Variants in SUMF1 observed in about 807,000 individuals in gnomAD.
SUMF1 encodes formylglycine-generating enzyme.
SUMF1 carries 48 observed loss-of-function variants against 47.6 expected under a neutral mutation model. That is an observed-to-expected ratio of 1.01 (90% CI 0.80 to 1.28). The LOEUF is 1.28. Ranked by LOEUF, SUMF1 falls within the 50% of genes most tolerant of loss-of-function variation. SUMF1 has a pLI of 0.00. For synonymous variants in SUMF1, 230 were observed against 192.1 expected (o/e 1.20, Z -1.63); for missense variants, 571 against 485.4 (o/e 1.18, Z -1.66).
At chr3:4,134,925 G>A (rs996557393) in intron 8 of SUMF1, among the ~76,000 whole-genome samples, 3 of 152,122 alleles carry the variant, frequency 2.0e-5, no homozygotes, top group Admixed American at 6.5e-5. Flanking sequence ...AAATCAGGAC[G>A]AAGTTGAATC....
At chr3:4,464,393 T>C (rs1443839124) in intron 1 of SUMF1, among the ~76,000 whole-genome samples, 3 of 149,738 alleles carry the variant, frequency 2.0e-5, no homozygotes, top group Admixed American at 6.6e-5. Context: ...ATGATACTTA[T>C]GTGTGTGTCT....
At chr3:4,356,189 G>A (rs1401618868), downstream of SUMF1, among the ~76,000 whole-genome samples, 1 of 152,162 alleles carries the variant, frequency 6.6e-6, no homozygotes, top group Non-Finnish European at 1.5e-5. Context: ...TTCACTAATA[G>A]CACAACTGAT....
chr3:4,216,036 A>G (rs1695916285), intron 8 of SUMF1, among the ~76,000 whole-genome samples: 1 of 152,200 alleles, frequency 6.6e-6, no homozygotes, highest in Non-Finnish European at 1.5e-5. Flanking sequence ...ATTGGAAAAA[A>G]CTACCTTAAA....
At chr3:4,466,887 C>A in intron 1 of SUMF1, 89 bp downstream of exon 1, 3 of 1,532,184 alleles carry the variant, frequency 2.0e-6, no homozygotes, top group Non-Finnish European at 2.6e-6. Flanking sequence ...ACCTTTACTT[C>A]CCTTCCTACT....
intron 7 of SUMF1, among the ~76,000 whole-genome samples, chr3:4,409,653 A>C (rs1701481706): frequency 2.0e-5 from 3 of 152,168 alleles, no homozygotes; most frequent in Non-Finnish European, 4.4e-5. Flanking sequence ...CCCAACCACA[A>C]ACCCACCTAG....
intron 6 of SUMF1, chr3:4,414,979 C>G (rs1321113741): frequency 6.6e-6 from 1 of 152,256 alleles, no homozygotes; most frequent in East Asian, 1.9e-4. Context: ...CGCAGTGGCT[C>G]ATGCCTGTAA....
intron 8 of SUMF1, among the ~76,000 whole-genome samples, chr3:4,117,588 C>A (rs1693451286): frequency 6.6e-6 from 1 of 151,946 alleles, no homozygotes; most frequent in Non-Finnish European, 1.5e-5. Flanking sequence ...ACCTTATTAG[C>A]CTCTCCTCTT....
chr3:4,328,733 C>T (rs531547613), intron 8 of SUMF1, among the ~76,000 whole-genome samples: 1 of 152,280 alleles, frequency 6.6e-6, no homozygotes, highest in Admixed American at 6.5e-5. Context: ...CATTTCAAAA[C>T]CAGTCATGCC....
chr3:4,182,892 A>C (rs1695126154), intron 8 of SUMF1, among the ~76,000 whole-genome samples: 1 of 152,034 alleles, frequency 6.6e-6, no homozygotes, highest in Non-Finnish European at 1.5e-5. Flanking sequence ...AAAGAGGGTA[A>C]GTTGGACACT....
At chr3:4,284,249 T>C (rs2125048593) in intron 8 of SUMF1, among the ~76,000 whole-genome samples, 1 of 150,574 alleles carries the variant, frequency 6.6e-6, no homozygotes, top group African/African-American at 2.4e-5. Flanking sequence ...ATCCCATTTC[T>C]ACAAAAAAAA....
chr3:4,150,562 AT>A (rs1361676700), intron 8 of SUMF1, among the ~76,000 whole-genome samples: 2 of 142,094 alleles, frequency 1.4e-5, no homozygotes, highest in East Asian at 2.1e-4. Flanking sequence ...AAAAAAAAAA[AT>A]GTGTAGAGGC....
At chr3:4,086,504 A>T (rs1350826956) in intron 8 of SUMF1, among the ~76,000 whole-genome samples, 1 of 152,110 alleles carries the variant, frequency 6.6e-6, no homozygotes, top group Non-Finnish European at 1.5e-5. Flanking sequence ...ATGTTAGGCA[A>T]GTCATTTAAC....
chr3:4,116,697 T>G (rs557744409), intron 8 of SUMF1, among the ~76,000 whole-genome samples: 26 of 152,252 alleles, frequency 1.7e-4, no homozygotes, highest in Non-Finnish European at 3.7e-4. Context: ...GACTCTTTGG[T>G]CTGTACTTTA....
At chr3:4,108,562 C>G (rs1245154448) in intron 8 of SUMF1, among the ~76,000 whole-genome samples, 1 of 152,086 alleles carries the variant, frequency 6.6e-6, no homozygotes, top group Admixed American at 6.6e-5. Context: ...GAGTCTAAGT[C>G]TCTTTCTAGG....
intron 8 of SUMF1, among the ~76,000 whole-genome samples, chr3:4,331,752 C>G (rs1196097954): frequency 6.6e-6 from 1 of 152,166 alleles, no homozygotes; most frequent in Non-Finnish European, 1.5e-5. Flanking sequence ...ATTGCGTGAA[C>G]TCAAGAGGCG....
At chr3:4,280,900 AG>A (rs1472651849) in intron 8 of SUMF1, among the ~76,000 whole-genome samples, 1 of 147,540 alleles carries the variant, frequency 6.8e-6, no homozygotes, top group Non-Finnish European at 1.5e-5. Flanking sequence ...TTTTTTGATA[AG>A]GGCACAGTCA....
At chr3:4,317,406 G>T (rs1183653550) in intron 8 of SUMF1, 9 of 611,866 alleles carry the variant, frequency 1.5e-5, no homozygotes, top group Non-Finnish European at 2.2e-5. Context: ...AATGTGGCCT[G>T]GCATGGTGGC....
At chr3:4,295,817 A>T (rs1031764649) in intron 8 of SUMF1, among the ~76,000 whole-genome samples, 15 of 152,338 alleles carry the variant, frequency 9.8e-5, no homozygotes, top group African/African-American at 3.4e-4. Context: ...CTTCACAGCT[A>T]AAGTACTTAC....
intron 8 of SUMF1, among the ~76,000 whole-genome samples, chr3:4,100,817 A>G (rs1434702152): frequency 6.6e-6 from 1 of 152,052 alleles, no homozygotes; most frequent in Non-Finnish European, 1.5e-5. Flanking sequence ...AAGAAAACAA[A>G]TAACCCCATT....
Sources: gnomAD v4.1 joint callset for allele counts (sites outside exome capture counted in the v4.1 genomes callset) on GRCh38, gnomAD v4.1.1 for gene constraint, MANE v1.5 for transcripts, NCBI Gene and HGNC (gene_info 2026-07-23, HGNC 2026-07-21) for gene names.